The following ARMC8 variants were observed in gnomAD, a reference collection of about 807,000 sequenced individuals.
ARMC8 encodes armadillo repeat containing 8.
Under a neutral mutation model 99.3 loss-of-function variants are expected in ARMC8, and 20 were observed. The ratio of observed to expected loss-of-function variants is 0.20; its 90% CI spans 0.14 to 0.29. The LOEUF is 0.29. Ranked by LOEUF, ARMC8 falls within the 10% of genes least tolerant of loss-of-function variation. ARMC8 has a pLI of 1.00. For synonymous variants in ARMC8, 263 were observed against 278.3 expected, an observed-to-expected ratio of 0.95 and a Z score of 0.55; for missense variants, 569 against 809.5, an observed-to-expected ratio of 0.70 and a Z score of 3.60.
chr3:138,204,306 A>G (rs1486273205), intron 1 of ARMC8, among the ~76,000 whole-genome samples: 1 of 152,158 alleles, frequency 6.6e-6, no homozygotes, highest in Non-Finnish European at 1.5e-5. Context: ...CTTGACTAGT[A>G]AATCCCATTC....
intron 1 of ARMC8, chr3:138,188,376 C>A: frequency 7.2e-7 from 1 of 1,396,130 alleles, no homozygotes; most frequent in Non-Finnish European, 9.6e-7. Flanking sequence ...GAAGTAAAAC[C>A]TGTTTTTTTT....
intron 5 of ARMC8, 80 bp downstream of exon 5, chr3:138,223,813 A>T: frequency 8.4e-7 from 1 of 1,197,344 alleles, no homozygotes. Flanking sequence ...CTTCAGACTC[A>T]TCATAACTGT....
chr3:138,237,816 T>C (rs1319158641), intron 9 of ARMC8, among the ~76,000 whole-genome samples: 1 of 152,188 alleles, frequency 6.6e-6, no homozygotes, highest in African/African-American at 2.4e-5. Flanking sequence ...AAAATTACTT[T>C]ATTACATCCT....
rs553120928 is a variant in ARMC8, at chr3:138,280,610, C to T, written c.1726-3821C>T. On this transcript the variant is annotated intron_variant, in intron 18 of 21. Coordinates refer to ENST00000469044, the MANE Select transcript of ARMC8 (RefSeq NM_001363941.2). Reference sequence around the variant, plus strand: ...CCGGGTTCACGCCATTCTCCTGCCTCAGCCTCCTGAATAGCTGGGATTATA... The same window carrying T: ...CCGGGTTCACGCCATTCTCCTGCCTTAGCCTCCTGAATAGCTGGGATTATA... Among the ~76,000 whole-genome samples, 6 of 152,088 alleles carry T rather than the reference C, an allele frequency of 3.9e-5. No homozygotes were observed. In the South Asian group the frequency reaches 8.3e-4, roughly 21 times the overall value.
At chr3:138,252,762 C>G (rs796313556) in intron 12 of ARMC8, among the ~76,000 whole-genome samples, 1 of 56,000 alleles carries the variant, frequency 1.8e-5, no homozygotes, top group African/African-American at 4.9e-5. Flanking sequence ...CCCCCCCCCC[C>G]ACCCGGCCTA....
intron 20 of ARMC8, 129 bp from the exon 21 acceptor site, chr3:138,290,417 G>C (rs1029230862): frequency 1.5e-6 from 1 of 670,444 alleles, no homozygotes; most frequent in Admixed American, 2.6e-5. Flanking sequence ...ATTGGGAGAG[G>C]GTAGAGGACA....
chr3:138,215,519 T>C lies in ARMC8; in HGVS notation c.122+5626T>C, dbSNP rs555277743. 3.9e-5 allele frequency among the ~76,000 whole-genome samples: 6 copies of C among 152,266 alleles called. No homozygotes were observed. In the South Asian group the frequency reaches 8.3e-4, roughly 21 times the overall value. The stretch of plus-strand genomic sequence containing the variant: ...GCATGAGCCACCGTGTCCGGCTAAA[T>C]TATCTTTTCAAATGTATAAAGCGCT... On this transcript the variant is annotated intron_variant, in intron 2 of 21. Coordinates refer to ENST00000469044, the MANE Select transcript of ARMC8 (RefSeq NM_001363941.2).
In ARMC8 at chr3:138,223,632, A is replaced by G; in HGVS notation, c.338-4A>G. Reference sequence around the variant, plus strand: ...TTAGTCCTAAATCTCATTTCTGTTAATAGGACTACTGTCCCCAGACCTGAA... The same window carrying G: ...TTAGTCCTAAATCTCATTTCTGTTAGTAGGACTACTGTCCCCAGACCTGAA... On this transcript the variant is annotated splice_region_variant and splice_polypyrimidine_tract_variant and intron_variant, in intron 4 of 21. Transcript: ENST00000469044. 1 of 1,613,942 alleles carries G rather than the reference A, an allele frequency of 6.2e-7. No homozygotes were observed. Among genetic ancestry groups the G allele is most frequent in the Non-Finnish European group, 8.5e-7 (1 of 1,179,786 alleles).
At chr3:138,194,994 G>T (rs944780064) in intron 1 of ARMC8, among the ~76,000 whole-genome samples, 1 of 152,004 alleles carries the variant, frequency 6.6e-6, no homozygotes, top group African/African-American at 2.4e-5. Flanking sequence ...TCAGTAAATC[G>T]CCAGGTGCAG....
At chr3:138,246,140 TA>T in intron 12 of ARMC8, 1 of 985,590 alleles carries the variant, frequency 1.0e-6, no homozygotes. Context: ...GGAACAACCT[TA>T]CATTTGTTGA....
intron 1 of ARMC8, among the ~76,000 whole-genome samples, chr3:138,191,155 T>A (rs1378950947): frequency 2.0e-5 from 3 of 152,216 alleles, no homozygotes; most frequent in Non-Finnish European, 4.4e-5. Flanking sequence ...AGTAACACTT[T>A]GTCTTGCAAA....
At chr3:138,248,963 T>C (rs2047003573) in intron 12 of ARMC8, among the ~76,000 whole-genome samples, 1 of 152,198 alleles carries the variant, frequency 6.6e-6, no homozygotes, top group Non-Finnish European at 1.5e-5. Context: ...TTTGAATACG[T>C]ATATTTTAGC....
chr3:138,297,342 T>G lies in ARMC8; in HGVS notation c.*1450T>G, dbSNP rs932318916. ...AGGTGAACTCAACAGAAGTTGCTCT[T>G]GACTGTTTGAAGGTAGAAGCAGCCT... On this transcript the variant is annotated 3_prime_UTR_variant, in exon 22 of 22. Coordinates refer to ENST00000469044, the MANE Select transcript of ARMC8 (RefSeq NM_001363941.2). 6.6e-6 allele frequency: 1 copy of G among 152,172 alleles called. No homozygotes were observed. Among genetic ancestry groups the G allele is most frequent in the African/African-American group, 2.4e-5 (1 of 41,444 alleles). The allele number at this position is 152,172 out of a possible 1,614,324, so 9.4% of individuals were successfully genotyped here. A position where few individuals can be genotyped will look rare whatever the true frequency, so the allele number is the denominator to read the frequency against.
At chr3:138,195,872 A>C (rs79749549) in intron 1 of ARMC8, among the ~76,000 whole-genome samples, 6,175 of 152,130 alleles carry the variant, frequency 0.041, 399 homozygotes, top group African/African-American at 0.14. Context: ...AAAAAAAAAA[A>C]AACTGTTTTG....
At chr3:138,201,576 C>T (rs1451809774) in intron 1 of ARMC8, among the ~76,000 whole-genome samples, 1 of 150,744 alleles carries the variant, frequency 6.6e-6, no homozygotes, top group African/African-American at 2.4e-5. Context: ...ATTCTCGTGC[C>T]TCAGCCGCCC....
Position 138,223,816 on chromosome 3 carries a change from A to T in ARMC8, c.435+83A>T. On this transcript the variant is annotated intron_variant, in intron 5 of 21. Coordinates refer to ENST00000469044, the MANE Select transcript of ARMC8 (RefSeq NM_001363941.2). ...TTTGCTTAGCATCTTCAGACTCATC[A>T]TAACTGTGTTATGTAAAAAAGTCTC... is the stretch of plus-strand genomic sequence containing the variant. 2.5e-6 allele frequency: 3 copies of T among 1,177,702 alleles called. No homozygotes were observed. The Admixed American group carries it at 5.4e-5, about 21-fold the overall frequency. The allele number at this position is 1,177,702 out of a possible 1,614,324, so 73.0% of individuals were successfully genotyped here. A position where few individuals can be genotyped will look rare whatever the true frequency, so the allele number is the denominator to read the frequency against.
rs562378964 is a variant in ARMC8, at chr3:138,274,196, T to TTATG, written c.1630-235_1630-232dup. ...GCTTTCATATTCTGTCAGGTCAACT[T>TTATG]TATGTATGTATGTATGTATGTGTAA... is the stretch of plus-strand genomic sequence containing the variant. On this transcript the variant is annotated intron_variant, in intron 17 of 21. Coordinates refer to ENST00000469044, the MANE Select transcript of ARMC8 (RefSeq NM_001363941.2). Among the ~76,000 whole-genome samples, 64 of 151,934 alleles carry TTATG rather than the reference T, an allele frequency of 4.2e-4. 1 individual carries two copies. The highest frequency in any genetic ancestry group is 3.3e-3 in the East Asian group (17 of 5,182).
intron 12 of ARMC8, among the ~76,000 whole-genome samples, chr3:138,247,483 A>T (rs544077817): frequency 1.3e-5 from 2 of 152,250 alleles, no homozygotes; most frequent in South Asian, 4.1e-4. Context: ...TGTTTGTTTC[A>T]GGAGAAAAAC....
intron 21 of ARMC8, among the ~76,000 whole-genome samples, 172 bp downstream of exon 21, chr3:138,290,811 A>G (rs1333339677): frequency 1.3e-5 from 2 of 152,376 alleles, no homozygotes; most frequent in South Asian, 2.1e-4. Flanking sequence ...CTGTAAACTA[A>G]TAATTACCAA....
Sources: allele counts gnomAD v4.1 joint callset (sites outside exome capture counted in the v4.1 genomes callset), GRCh38; gene constraint gnomAD v4.1.1; transcripts MANE v1.5; gene names NCBI Gene and HGNC (gene_info 2026-07-23, HGNC 2026-07-21).